HACE1: variants seen among roughly 807,000 people sequenced by gnomAD.
HACE1 encodes the protein HECT domain and ankyrin repeat containing E3 ubiquitin protein ligase 1, also known as E3 ubiquitin-protein ligase HACE1.
HACE1 carries 73 observed loss-of-function variants against 118.4 expected under a neutral mutation model. The ratio of observed to expected loss-of-function variants is 0.62; its 90% CI spans 0.51 to 0.75. The LOEUF is 0.75. HACE1 is among the 30% of genes least tolerant of loss of function. HACE1 has a pLI of 0.00. For missense variants in HACE1, 749 were observed against 1,102.2 expected, an observed-to-expected ratio of 0.68 and a Z score of 4.54; for synonymous variants, 368 against 374.8, an observed-to-expected ratio of 0.98 and a Z score of 0.21.
intron 6 of HACE1, among the ~76,000 whole-genome samples, chr6:104,815,309 C>T (rs1352294379): frequency 7.3e-6 from 1 of 137,590 alleles, no homozygotes; most frequent in East Asian, 2.2e-4. Flanking sequence ...TTTGCCCCTG[C>T]CCTAGAGATC....
chr6:104,749,616 C>T (rs1252840946), intron 20 of HACE1, among the ~76,000 whole-genome samples: 1 of 151,974 alleles, frequency 6.6e-6, no homozygotes, highest in Non-Finnish European at 1.5e-5. Context: ...AAATTATATA[C>T]TTTTAGGTAA....
chr6:104,859,766 C>A lies in HACE1; in HGVS notation c.-124G>T, dbSNP rs1777137087. On this transcript the variant is annotated 5_prime_UTR_variant, in exon 1 of 24. Transcript: ENST00000262903. ...AGACGCGGGCTTGCCCCGGCTAGAGCACTGAGCTGCGAGGGCTGCCTGGGG... is the reference window on the plus strand; with the variant it reads ...AGACGCGGGCTTGCCCCGGCTAGAGAACTGAGCTGCGAGGGCTGCCTGGGG... The A allele has an allele frequency of 2.2e-6, 2 of 899,934 alleles. No individual in the cohort carries two copies. The highest frequency in any genetic ancestry group is 2.6e-5 in the Admixed American group (1 of 38,268). The allele number at this position is 899,934 out of a possible 1,614,324, so 55.7% of individuals were successfully genotyped here. A position where few individuals can be genotyped will look rare whatever the true frequency, so the allele number is the denominator to read the frequency against.
chr6:104,760,311 C>A (rs1779201085), intron 19 of HACE1, among the ~76,000 whole-genome samples: 1 of 152,172 alleles, frequency 6.6e-6, no homozygotes, highest in Non-Finnish European at 1.5e-5. Flanking sequence ...AAAATACCGG[C>A]AAACCAAATC....
In HACE1 at chr6:104,771,980, G is replaced by A. The variant is rs146117584; in HGVS notation, c.1959C>T (p.Asn653=). ...AGTAAATATTGACCAGCTGCCTGTG[G>A]TTCAACGCTAATCCCAAGATCTGCC... is the stretch of plus-strand genomic sequence containing the variant. ...FAGQILGLAL[N]HRQLVNIYFT... The change falls in exon 18 of 24, where the codon AAC becomes AAT. Residue 653 remains asparagine (N), a synonymous_variant. Coordinates refer to ENST00000262903, the MANE Select transcript of HACE1 (RefSeq NM_020771.4). 60 of 1,608,346 alleles carry A rather than the reference G, an allele frequency of 3.7e-5. No individual in the cohort carries two copies. The highest frequency in any genetic ancestry group is 9.4e-5 in the African/African-American group (7 of 74,808).
intron 11 of HACE1, among the ~76,000 whole-genome samples, chr6:104,789,281 T>C (rs149672325): frequency 1.1e-3 from 171 of 152,240 alleles, no homozygotes; most frequent in African/African-American, 3.9e-3. Context: ...TACTTATTAA[T>C]GTGTTTAAAA....
At chr6:104,789,771 C>G (rs1368392410) in intron 11 of HACE1, among the ~76,000 whole-genome samples, 1 of 152,044 alleles carries the variant, frequency 6.6e-6, no homozygotes, top group African/African-American at 2.4e-5. Flanking sequence ...ATTTTATATT[C>G]ATCATTACTG....
chr6:104,844,811 C>T (rs1317967302), intron 4 of HACE1, among the ~76,000 whole-genome samples: 20 of 151,830 alleles, frequency 1.3e-4, no homozygotes, highest in Middle Eastern at 3.4e-3. Context: ...TACAGGCGCC[C>T]GCCACCATGC....
chr6:104,772,973 T>C (rs1230544662), intron 17 of HACE1, among the ~76,000 whole-genome samples: 1 of 152,068 alleles, frequency 6.6e-6, no homozygotes, highest in African/African-American at 2.4e-5. Flanking sequence ...TAAATGCCAC[T>C]GAATTGTACA....
At chr6:104,859,515 C>G in intron 1 of HACE1, 52 bp downstream of exon 1, 1 of 1,323,532 alleles carries the variant, frequency 7.6e-7, no homozygotes, top group Non-Finnish European at 1.0e-6. Context: ...AGCTCCTGCC[C>G]CACTGGCCGC....
chr6:104,772,353 C>T (rs1474926317), intron 17 of HACE1, among the ~76,000 whole-genome samples: 2 of 152,062 alleles, frequency 1.3e-5, no homozygotes, highest in Non-Finnish European at 2.9e-5. Context: ...GGAAGATCAT[C>T]AGAGACACTC....
intron 10 of HACE1, 86 bp downstream of exon 10, chr6:104,795,493 A>C (rs1783511250): frequency 1.2e-6 from 1 of 838,068 alleles, no homozygotes; most frequent in African/African-American, 1.7e-5. Flanking sequence ...TCACTGACAA[A>C]AGGTATCCCA....
At chr6:104,778,811 C>CA (rs550961858) in intron 14 of HACE1, among the ~76,000 whole-genome samples, 41 of 140,198 alleles carry the variant, frequency 2.9e-4, no homozygotes, top group Middle Eastern at 3.6e-3. Flanking sequence ...CTTATCTCTA[C>CA]AAAAAAAAAA....
intron 14 of HACE1, among the ~76,000 whole-genome samples, chr6:104,777,886 A>G (rs980352445): frequency 2.0e-5 from 3 of 152,110 alleles, no homozygotes; most frequent in African/African-American, 7.2e-5. Context: ...CAGCCTCTCA[A>G]GTAGCTGGGA....
intron 12 of HACE1, 54 bp downstream of exon 12, chr6:104,784,931 T>G (rs2114795981): frequency 9.1e-7 from 1 of 1,102,738 alleles, no homozygotes; most frequent in Non-Finnish European, 1.4e-6. Context: ...AAAGTATCAC[T>G]GCTTTTCATC....
rs3035081 is a variant in HACE1, at chr6:104,830,758, CTTTTT to C, written c.534+2279_534+2283del. On this transcript the variant is annotated intron_variant, in intron 6 of 23. Transcript: ENST00000262903. ...GGTCAGCAAGAAAATAAATTACATT[CTTTTT>C]TTTTTTTTTTTTGAAGAGACGAGGT... is the stretch of plus-strand genomic sequence containing the variant. Among the ~76,000 whole-genome samples, 59 of 132,946 alleles carry C rather than the reference CTTTTT, an allele frequency of 4.4e-4. 1 individual carries two copies. The highest frequency in any genetic ancestry group is 9.5e-4 in the South Asian group (4 of 4,220). The allele number at this position is 132,946 out of a possible 152,430, so 87.2% of individuals were successfully genotyped here.
chr6:104,799,163 T>A (rs1200423946), intron 7 of HACE1, among the ~76,000 whole-genome samples: 4 of 152,228 alleles, frequency 2.6e-5, no homozygotes, highest in Non-Finnish European at 5.9e-5. Flanking sequence ...AAGTCTGACT[T>A]AACGGTGACA....
At chr6:104,745,607 A>AT (rs1777340218) in intron 20 of HACE1, among the ~76,000 whole-genome samples, 1 of 151,740 alleles carries the variant, frequency 6.6e-6, no homozygotes, top group Non-Finnish European at 1.5e-5. Context: ...TGCCCGGCTA[A>AT]TTTTTTTGTA....
rs535999663 is a variant in HACE1 at position 104,813,452 on chromosome 6, A to G, written c.535-2059T>C. On this transcript the variant is annotated intron_variant, in intron 6 of 23. Coordinates refer to ENST00000262903, the MANE Select transcript of HACE1 (RefSeq NM_020771.4). ...CAGCCCAATTCGGGACAATGGGTCT[A>G]TAGCAGTCATCCCCAACCAAGGTTA... 1.9e-4 allele frequency among the ~76,000 whole-genome samples: 27 copies of G among 138,828 alleles called. 5 individuals carry two copies. Among genetic ancestry groups the G allele is most frequent in the South Asian group, 4.4e-4 (2 of 4,496 alleles). 91.1% of individuals were successfully genotyped at this position (138,828 alleles called of 152,430 possible). A position where few individuals can be genotyped will look rare whatever the true frequency, so the allele number is the denominator to read the frequency against.
intron 23 of HACE1, 105 bp downstream of exon 23, chr6:104,730,198 T>G (rs1388933855): frequency 2.8e-6 from 2 of 724,632 alleles, no homozygotes; most frequent in Non-Finnish European, 5.0e-6. Flanking sequence ...TGGAGAGAGA[T>G]CACAGCTGAG....
Sources: allele counts gnomAD v4.1 joint callset (sites outside exome capture counted in the v4.1 genomes callset), GRCh38; gene constraint gnomAD v4.1.1; transcripts MANE v1.5; gene names NCBI Gene and HGNC (gene_info 2026-07-23, HGNC 2026-07-21).